The following AJM1 variants were observed in gnomAD, a reference collection of about 807,000 sequenced individuals.
AJM1 encodes apical junction component 1 homolog.
In AJM1, 22 loss-of-function variants were observed where a neutral mutation model predicts 43.0. That is an observed-to-expected ratio of 0.51 (90% CI 0.37 to 0.73). AJM1 has a LOEUF of 0.73. Ranked by LOEUF, AJM1 falls within the 30% of genes least tolerant of loss-of-function variation. AJM1 has a pLI of 0.00. For synonymous variants in AJM1, 719 were observed against 638.3 expected (o/e 1.13, Z -1.91); for missense variants, 1,305 against 1,343.3 (o/e 0.97, Z 0.45).
Position 136,845,975 on chromosome 9 carries a change from G to A in AJM1, c.1561G>A (p.Glu521Lys), listed in dbSNP as rs1307145747. 1 of 1,553,544 alleles carries A rather than the reference G, an allele frequency of 6.4e-7. No homozygotes were observed. Among genetic ancestry groups the A allele is most frequent in the Non-Finnish European group, 8.7e-7 (1 of 1,150,024 alleles). Residue 521 changes from glutamate (E) to lysine (K), a missense_variant, in exon 3 of 3, where the codon GAG becomes AAG. Around this residue, in one of 6 missense-constraint regions of AJM1, gnomAD observed 653 missense variants for 549.1 expected, o/e 1.19. Coordinates refer to ENST00000436881, the MANE Select transcript of AJM1 (RefSeq NM_001080482.5). Reference protein sequence around the residue: ...TSLTEKGRAGEGLGRNWYVTP... With the variant: ...TSLTEKGRAGKGLGRNWYVTP... ...GCTGACGGAGAAGGGCCGCGCGGGCGAGGGCCTGGGCCGCAACTGGTACGT... is the reference window on the plus strand; with the variant it reads ...GCTGACGGAGAAGGGCCGCGCGGGCAAGGGCCTGGGCCGCAACTGGTACGT...
Position 136,847,033 on chromosome 9 carries a change from G to A in AJM1, c.2619G>A (p.Leu873=). 1 of 1,337,952 alleles carries A rather than the reference G, an allele frequency of 7.5e-7. No homozygotes were observed. Among genetic ancestry groups the A allele is most frequent in the Non-Finnish European group, 1.0e-6 (1 of 1,001,422 alleles). The allele number at this position is 1,337,952 out of a possible 1,614,324, so 82.9% of individuals were successfully genotyped here. ...ARSREPDMET[L]ILTPPPGTAG... is the part of the protein sequence containing the mutation. ...GCCGCGAGCCCGACATGGAGACGCT[G>A]ATCCTGACGCCACCGCCGGGCACGG... is the stretch of plus-strand genomic sequence containing the variant. Residue 873 remains leucine (L), a synonymous_variant, in exon 3 of 3, where the codon CTG becomes CTA. Transcript: ENST00000436881.
rs975657447 is a variant in AJM1 at position 136,846,865 on chromosome 9, C to T, written c.2451C>T (p.Ser817=). The T allele has an allele frequency of 1.3e-6, 2 of 1,563,036 alleles. No homozygotes were observed. The highest frequency in any genetic ancestry group is 1.4e-5 in the African/African-American group (1 of 72,276). The change falls in exon 3 of 3, where the codon TCC becomes TCT. Residue 817 remains serine, a synonymous_variant. Coordinates refer to ENST00000436881, the MANE Select transcript of AJM1 (RefSeq NM_001080482.5). The part of the protein sequence containing the change: ...EPAECFLLSV[S]VAVGPGTAPP... ...CAGAGTGCTTCCTGCTCAGCGTGTCCGTGGCCGTGGGACCCGGCACCGCGC... is the reference window on the plus strand; with the variant it reads ...CAGAGTGCTTCCTGCTCAGCGTGTCTGTGGCCGTGGGACCCGGCACCGCGC...
Position 136,846,724 on chromosome 9 carries a change from G to A in AJM1, c.2310G>A (p.Leu770=), listed in dbSNP as rs1848780947. 3 of 1,603,580 alleles carry A rather than the reference G, an allele frequency of 1.9e-6. No individual in the cohort carries two copies. Among genetic ancestry groups the A allele is most frequent in the Non-Finnish European group, 2.5e-6 (3 of 1,178,374 alleles). ...CCGACAACTTCCTGCGCTTTGGCCT[G>A]GAGGGGCTGCTGCTATCCCCCACCT... is the stretch of plus-strand genomic sequence containing the variant. ...GSADNFLRFG[L]EGLLLSPTYL... The change falls in exon 3 of 3, where the codon CTG becomes CTA. Residue 770 remains leucine (L), a synonymous_variant. Transcript: ENST00000436881.
At position 136,845,395 on chromosome 9, in the gene AJM1, C is replaced by T; in HGVS notation, c.981C>T (p.Tyr327=). The stretch of plus-strand genomic sequence containing the variant: ...GTCCAAGGCGCATGGGCGGCTACTA[C>T]GCAGGAGAGGTGCGCACCTTCCCAA... ...GPSPRRMGGY[Y]AGEVRTFPIQ... is the part of the protein sequence containing the mutation. Residue 327 remains tyrosine, a synonymous_variant, in exon 3 of 3, where the codon TAC becomes TAT. Coordinates refer to ENST00000436881, the MANE Select transcript of AJM1 (RefSeq NM_001080482.5). The T allele has an allele frequency of 6.2e-7, 1 of 1,612,420 alleles. No homozygotes were observed. The highest frequency in any genetic ancestry group is 2.2e-5 in the East Asian group (1 of 44,866).
chr9:136,846,617 G>A lies in AJM1; in HGVS notation c.2203G>A (p.Ala735Thr), dbSNP rs759578103. 6.3e-6 allele frequency: 10 copies of A among 1,594,126 alleles called. No individual in the cohort carries two copies. The highest frequency in any genetic ancestry group is 8.5e-6 in the Non-Finnish European group (10 of 1,176,168). The part of the protein sequence containing the change: ...FCRDSGPVHR[A>T]FSRIARVGFL... ...CCGCGACAGCGGCCCGGTGCACCGC[G>A]CTTTCTCGCGCATCGCGCGTGTCGG... The change falls in exon 3 of 3, where the codon GCT becomes ACT. Residue 735 changes from alanine (A) to threonine (T), a missense_variant. This residue lies in a region of AJM1 where 391 missense variants were observed against 507.5 expected (regional missense o/e 0.77). Transcript: ENST00000436881.
In AJM1 at chr9:136,847,010, C is replaced by A; in HGVS notation, c.2596C>A (p.Arg866Ser). Residue 866 changes from arginine to serine, a missense_variant, in exon 3 of 3, where the codon CGC becomes AGC. Physicochemically the swap from Arg to Ser is moderately radical, Grantham distance 110 (BLOSUM62 -1). Coordinates refer to ENST00000436881, the MANE Select transcript of AJM1 (RefSeq NM_001080482.5). ...CGCGCGGCCGCCCCCGGCGCGGAGCCGCGAGCCCGACATGGAGACGCTGAT... is the reference window on the plus strand; with the variant it reads ...CGCGCGGCCGCCCCCGGCGCGGAGCAGCGAGCCCGACATGGAGACGCTGAT... ...SPARPPPARS[R>S]EPDMETLILT... 1 of 1,250,230 alleles carries A rather than the reference C, an allele frequency of 8.0e-7. No individual in the cohort carries two copies. The highest frequency in any genetic ancestry group is 1.1e-6 in the Non-Finnish European group (1 of 946,020). The allele number at this position is 1,250,230 out of a possible 1,614,324, so 77.4% of individuals were successfully genotyped here.
chr9:136,847,381 C>T lies in AJM1; in HGVS notation c.*36C>T, dbSNP rs536021325. The T allele has an allele frequency of 4.4e-4, 638 of 1,435,322 alleles. 5 individuals carry two copies. In the African/African-American group the frequency reaches 7.8e-3, roughly 17 times the overall value. The allele number at this position is 1,435,322 out of a possible 1,614,324, so 88.9% of individuals were successfully genotyped here. A position where few individuals can be genotyped will look rare whatever the true frequency, so the allele number is the denominator to read the frequency against. On this transcript the variant is annotated 3_prime_UTR_variant, in exon 3 of 3. Transcript: ENST00000436881. ...CCACCAGGCCTAGCCCAGGCGCTGG[C>T]CCGAACCCTGCCCTGCCCACTCAGG...
In AJM1 at chr9:136,845,217, G is replaced by A. The variant is rs762345829; in HGVS notation, c.803G>A (p.Arg268His). 6 of 1,591,936 alleles carry A rather than the reference G, an allele frequency of 3.8e-6. No homozygotes were observed. Among genetic ancestry groups the A allele is most frequent in the Admixed American group, 3.4e-5 (2 of 58,654 alleles). The change falls in exon 3 of 3, where the codon CGC (arginine) becomes CAC (histidine). Residue 268 changes from arginine (R) to histidine (H), a missense_variant. Transcript: ENST00000436881. ...LPGPRDYAER[R>H]SLPFTTPPGP... ...GGGCCCCGGGACTACGCCGAGCGCC[G>A]CAGTCTGCCCTTCACCACCCCGCCG...
At chr9:136,843,922 G>A (rs1848733862) in intron 1 of AJM1, among the ~76,000 whole-genome samples, 1 of 152,190 alleles carries the variant, frequency 6.6e-6, no homozygotes, top group Admixed American at 6.5e-5. Flanking sequence ...CTATAAATAA[G>A]GCCCAAATGC....
rs1848757537 is a variant in AJM1, at chr9:136,845,398, A to T, written c.984A>T (p.Ala328=). The T allele has an allele frequency of 6.2e-7, 1 of 1,612,386 alleles. No individual in the cohort carries two copies. Among genetic ancestry groups the T allele is most frequent in the Non-Finnish European group, 8.5e-7 (1 of 1,179,782 alleles). The change falls in exon 3 of 3, where the codon GCA becomes GCT. Residue 328 remains alanine (A), a synonymous_variant. Transcript: ENST00000436881. The part of the protein sequence containing the change: ...PSPRRMGGYY[A]GEVRTFPIQE... ...CAAGGCGCATGGGCGGCTACTACGC[A>T]GGAGAGGTGCGCACCTTCCCAATCC...
In AJM1 at chr9:136,846,082, C is replaced by G; in HGVS notation, c.1668C>G (p.Gly556=). 6.5e-7 allele frequency: 1 copy of G among 1,531,122 alleles called. No individual in the cohort carries two copies. The highest frequency in any genetic ancestry group is 8.8e-7 in the Non-Finnish European group (1 of 1,142,732). The allele number at this position is 1,531,122 out of a possible 1,614,324, so 94.8% of individuals were successfully genotyped here. Residue 556 remains glycine, a synonymous_variant, in exon 3 of 3, where the codon GGC becomes GGG. Transcript: ENST00000436881. ...CCAGGGCCTGGGAGTTGCCCGGGGG[C>G]CGCACGCGGCCACCTCCCCACGCGG... The part of the protein sequence containing the change: ...PSARAWELPG[G]RTRPPPHAAP...
At position 136,847,170 on chromosome 9, in the gene AJM1, G is replaced by T. The variant is rs1328998660; in HGVS notation, c.2756G>T (p.Arg919Leu). ...GTCTTCCTGCGCCACGAGTTCCCGC[G>T]CGTCTACGAGCAGCTTTGCGAGTTC... is the stretch of plus-strand genomic sequence containing the variant. ...RGVFLRHEFPRVYEQLCEFVE... is the reference protein window; with the variant it reads ...RGVFLRHEFPLVYEQLCEFVE... The change falls in exon 3 of 3, where the codon CGC becomes CTC. Residue 919 changes from arginine (R) to leucine (L), a missense_variant. Coordinates refer to ENST00000436881, the MANE Select transcript of AJM1 (RefSeq NM_001080482.5). 2 of 1,602,628 alleles carry T rather than the reference G, an allele frequency of 1.2e-6. No homozygotes were observed. Among genetic ancestry groups the T allele is most frequent in the Non-Finnish European group, 1.7e-6 (2 of 1,178,652 alleles).
In AJM1 at chr9:136,845,146, A is replaced by C. The variant is rs551188501; in HGVS notation, c.732A>C (p.Ser244=). 71 of 1,577,146 alleles carry C rather than the reference A, an allele frequency of 4.5e-5. No individual in the cohort carries two copies. The highest frequency in any genetic ancestry group is 5.8e-5 in the Non-Finnish European group (68 of 1,165,244). The change falls in exon 3 of 3, where the codon TCA becomes TCC. Residue 244 remains serine, a synonymous_variant. Transcript: ENST00000436881. ...ALSRTPTPSD[S]YCADPRAFYC... is the part of the protein sequence containing the mutation. ...CGCGCACCCCGACGCCCAGCGACTC[A>C]TACTGTGCGGATCCCCGGGCGTTCT...
chr9:136,843,852 G>A (rs564169603), intron 1 of AJM1, among the ~76,000 whole-genome samples: 10 of 152,306 alleles, frequency 6.6e-5, no homozygotes, highest in African/African-American at 2.2e-4. Flanking sequence ...GATCGGAGGG[G>A]TCGCTCTGCA....
intron 1 of AJM1, among the ~76,000 whole-genome samples, 173 bp from the exon 2 acceptor site, chr9:136,844,023 G>C (rs1367044100): frequency 1.3e-5 from 2 of 152,172 alleles, no homozygotes; most frequent in Non-Finnish European, 2.9e-5. Flanking sequence ...GTCCACCCGA[G>C]CCGACCCCGC....
At position 136,845,238 on chromosome 9, in the gene AJM1, C is replaced by A; in HGVS notation, c.824C>A (p.Pro275Gln). Residue 275 changes from proline (P) to glutamine (Q), a missense_variant, in exon 3 of 3, where the codon CCG becomes CAG. Pro to Gln is a moderately conservative substitution (Grantham distance 76). Coordinates refer to ENST00000436881, the MANE Select transcript of AJM1 (RefSeq NM_001080482.5). ...CGCCGCAGTCTGCCCTTCACCACCC[C>A]GCCGGGCCCCACCCAGTTCTTCTAT... ...AERRSLPFTT[P>Q]PGPTQFFYTE... 6.3e-7 allele frequency: 1 copy of A among 1,598,714 alleles called. No individual in the cohort carries two copies. Among genetic ancestry groups the A allele is most frequent in the East Asian group, 2.2e-5 (1 of 44,594 alleles).
Position 136,846,934 on chromosome 9 carries a change from C to G in AJM1, c.2520C>G (p.His840Gln). Residue 840 changes from histidine (H) to glutamine (Q), a missense_variant, in exon 3 of 3, where the codon CAC becomes CAG. His to Gln is a conservative substitution (Grantham distance 24). Coordinates refer to ENST00000436881, the MANE Select transcript of AJM1 (RefSeq NM_001080482.5). ...PALPAPAPRS[H>Q]GPTVRKFAKV... The stretch of plus-strand genomic sequence containing the variant: ...TGCCCGCGCCCGCGCCACGCAGCCA[C>G]GGGCCAACAGTGCGCAAGTTCGCCA... The G allele has an allele frequency of 7.0e-7, 1 of 1,426,988 alleles. No individual in the cohort carries two copies. Among genetic ancestry groups the G allele is most frequent in the Non-Finnish European group, 9.2e-7 (1 of 1,085,542 alleles). 88.4% of individuals were successfully genotyped at this position (1,426,988 alleles called of 1,614,324 possible). A position where few individuals can be genotyped will look rare whatever the true frequency, so the allele number is the denominator to read the frequency against.
At position 136,846,817 on chromosome 9, in the gene AJM1, C is replaced by T; in HGVS notation, c.2403C>T (p.Ala801=). 1 of 1,591,146 alleles carries T rather than the reference C, an allele frequency of 6.3e-7. No individual in the cohort carries two copies. The highest frequency in any genetic ancestry group is 8.5e-7 in the Non-Finnish European group (1 of 1,175,572). ...GCAGCTACGCGCGCGAGCTGGCGGC[C>T]GCTGGGCGCCTCTACGAACCGGCAG... ...PLGSYARELA[A]AGRLYEPAEC... is the part of the protein sequence containing the mutation. Residue 801 remains alanine (A), a synonymous_variant, in exon 3 of 3, where the codon GCC becomes GCT. Transcript: ENST00000436881.
Position 136,845,701 on chromosome 9 carries a change from C to A in AJM1, c.1287C>A (p.Gly429=). Reference sequence around the variant, plus strand: ...ACCCGTTGCTCGCCTCCTGGCACGGCGGCACCGGCACCAGTCCGCCCCGGC... The same window carrying A: ...ACCCGTTGCTCGCCTCCTGGCACGGAGGCACCGGCACCAGTCCGCCCCGGC... ...DPDPLLASWH[G]GTGTSPPRLA... The change falls in exon 3 of 3, where the codon GGC becomes GGA. Residue 429 remains glycine, a synonymous_variant. Transcript: ENST00000436881. The A allele has an allele frequency of 3.2e-6, 5 of 1,568,256 alleles. No homozygotes were observed. Among genetic ancestry groups the A allele is most frequent in the Non-Finnish European group, 4.3e-6 (5 of 1,165,772 alleles).
Sources: gnomAD v4.1 joint callset for allele counts (sites outside exome capture counted in the v4.1 genomes callset) on GRCh38, gnomAD v4.1.1 for gene constraint, gnomAD v4.1.1 regional missense constraint, MANE v1.5 for transcripts, NCBI Gene and HGNC (gene_info 2026-07-23, HGNC 2026-07-21) for gene names.